CDH18: variants seen among roughly 807,000 people sequenced by gnomAD.
CDH18 encodes the protein cadherin 18.
In CDH18, 31 loss-of-function variants were observed where a neutral mutation model predicts 67.9. That is an observed-to-expected ratio of 0.46 (90% CI 0.34 to 0.62). CDH18 has a LOEUF of 0.62. Among genes scored for constraint, CDH18 ranks in the 20% least tolerant of loss-of-function variants. The pLI, the probability that CDH18 is intolerant of heterozygous loss-of-function variation, is 0.01. For synonymous variants in CDH18, 362 were observed against 347.2 expected (o/e 1.04, Z -0.48); for missense variants, 890 against 975.5 (o/e 0.91, Z 1.17).
intron 2 of CDH18, among the ~76,000 whole-genome samples, chr5:20,043,416 A>G (rs1241794487): frequency 1.3e-5 from 2 of 152,150 alleles, no homozygotes; most frequent in African/African-American, 4.8e-5. Flanking sequence ...GAATTAAACA[A>G]TAGCTATTCT....
At chr5:20,513,704 A>G (rs1015254809) in intron 1 of CDH18, among the ~76,000 whole-genome samples, 2 of 152,178 alleles carry the variant, frequency 1.3e-5, no homozygotes, top group African/African-American at 4.8e-5. Context: ...AATCATAACA[A>G]TGTCAAAATA....
chr5:19,571,641 C>G lies in CDH18; in HGVS notation c.1191G>C (p.Lys397Asn), dbSNP rs761409951. 8 of 1,613,836 alleles carry G rather than the reference C, an allele frequency of 5.0e-6. No individual in the cohort carries two copies. The highest frequency in any genetic ancestry group is 2.5e-6 in the Non-Finnish European group (3 of 1,179,898). ...AAACTGTACCAACGACGGTCCCAAT[C>G]TTGGCATTTTCGTAGACTTCCATGA... The part of the protein sequence containing the change: ...SYLMEVYENA[K>N]IGTVVGTVLA... Residue 397 changes from lysine to asparagine, a missense_variant, in exon 8 of 13, where the codon AAG becomes AAC. Physicochemically the swap from Lys to Asn is moderately conservative, Grantham distance 94 (BLOSUM62 0). Around this residue, in one of 2 missense-constraint regions of CDH18, gnomAD observed 656 missense variants for 668.1 expected, o/e 0.98. Coordinates refer to ENST00000382275, the MANE Select transcript of CDH18 (RefSeq NM_004934.5).
chr5:19,584,994 C>CTA (rs1251541742), intron 7 of CDH18, among the ~76,000 whole-genome samples: 1 of 84,196 alleles, frequency 1.2e-5, no homozygotes, highest in South Asian at 6.7e-4. Context: ...GACTCTATCT[C>CTA]CAAAAAAAAA....
At chr5:20,072,810 AATTTTACTTAGT>A (rs1743599371) in intron 2 of CDH18, among the ~76,000 whole-genome samples, 1 of 151,958 alleles carries the variant, frequency 6.6e-6, no homozygotes, top group Non-Finnish European at 1.5e-5. Context: ...TATTAAAATT[AATTTTACTTAGT>A]ATTTTTACAG....
intron 1 of CDH18, among the ~76,000 whole-genome samples, chr5:20,560,468 T>TACACACACACATACAC (rs1758140022): frequency 7.8e-6 from 1 of 127,606 alleles, no homozygotes; most frequent in Non-Finnish European, 1.7e-5. Flanking sequence ...CCAACACTCA[T>TACACACACACATACAC]ACACACACAC....
chr5:19,499,810 C>CT (rs921109122), intron 11 of CDH18, among the ~76,000 whole-genome samples: 21 of 151,818 alleles, frequency 1.4e-4, no homozygotes, highest in African/African-American at 4.8e-4. Context: ...TTCTCTCTCT[C>CT]TTTTTTTGAA....
intron 3 of CDH18, among the ~76,000 whole-genome samples, chr5:19,798,299 T>G (rs1777067052): frequency 1.3e-5 from 2 of 152,044 alleles, no homozygotes; most frequent in Admixed American, 1.3e-4. Flanking sequence ...GTGAAAAATA[T>G]TGCCAATGAG....
intron 2 of CDH18, among the ~76,000 whole-genome samples, chr5:20,052,734 C>CA (rs1166960873): frequency 6.6e-6 from 1 of 151,812 alleles, no homozygotes; most frequent in East Asian, 1.9e-4. Context: ...ATAAAATTCA[C>CA]AAAAAATAGT....
chr5:20,512,634 A>C (rs914181475), intron 1 of CDH18, among the ~76,000 whole-genome samples: 1 of 152,072 alleles, frequency 6.6e-6, no homozygotes. Context: ...CTATAATCCC[A>C]ACACTTTGGG....
intron 2 of CDH18, among the ~76,000 whole-genome samples, chr5:19,942,670 T>C (rs1794936515): frequency 6.6e-6 from 1 of 152,122 alleles, no homozygotes; most frequent in Non-Finnish European, 1.5e-5. Context: ...TCTTATCTAA[T>C]TTTGACCTAT....
rs769085529 is a variant in CDH18, at chr5:19,503,112, A to G, written c.1513-3T>C. ...GTGGCACTGATGGTATGAATAACCT[A>G]AAGAAAAGACAAACTCTAAATCGTA... On this transcript the variant is annotated splice_region_variant and splice_polypyrimidine_tract_variant and intron_variant, in intron 10 of 12. Coordinates refer to ENST00000382275, the MANE Select transcript of CDH18 (RefSeq NM_004934.5). The G allele has an allele frequency of 2.1e-6, 3 of 1,454,550 alleles. No homozygotes were observed. The highest frequency in any genetic ancestry group is 2.9e-6 in the Non-Finnish European group (3 of 1,037,454). The allele number at this position is 1,454,550 out of a possible 1,614,324, so 90.1% of individuals were successfully genotyped here.
intron 2 of CDH18, among the ~76,000 whole-genome samples, chr5:20,206,891 C>T (rs1026029340): frequency 6.6e-6 from 1 of 151,954 alleles, no homozygotes; most frequent in African/African-American, 2.4e-5. Context: ...CAACTAATAT[C>T]ATACTGAACA....
intron 5 of CDH18, among the ~76,000 whole-genome samples, chr5:19,667,858 G>C (rs543827078): frequency 1.3e-5 from 2 of 151,516 alleles, no homozygotes; most frequent in Non-Finnish European, 3.0e-5. Flanking sequence ...ATACCAAATG[G>C]CATCAAACAA....
intron 3 of CDH18, among the ~76,000 whole-genome samples, chr5:19,787,916 G>A (rs1225791886): frequency 6.6e-6 from 1 of 151,382 alleles, no homozygotes; most frequent in African/African-American, 2.4e-5. Flanking sequence ...AAGTATATCA[G>A]ATAAGTAATA....
At chr5:19,505,384 C>A (rs1035078284) in intron 10 of CDH18, among the ~76,000 whole-genome samples, 1 of 152,112 alleles carries the variant, frequency 6.6e-6, no homozygotes, top group Admixed American at 6.6e-5. Flanking sequence ...AAGGGCATCC[C>A]TGTCTTGTGC....
intron 3 of CDH18, among the ~76,000 whole-genome samples, chr5:19,796,012 G>T (rs1325317197): frequency 6.6e-6 from 1 of 151,958 alleles, no homozygotes; most frequent in Admixed American, 6.6e-5. Flanking sequence ...GTTAACTTGA[G>T]AACAGAACAA....
At position 20,339,030 on chromosome 5, in the gene CDH18, G is replaced by C. The variant is rs146220608; in HGVS notation, c.-579-83525C>G. Among the ~76,000 whole-genome samples the C allele has an allele frequency of 1.3e-3, 194 of 152,298 alleles. 1 individual carries two copies. Among genetic ancestry groups the C allele is most frequent in the African/African-American group, 4.4e-3 (183 of 41,570 alleles). On this transcript the variant is annotated intron_variant, in intron 1 of 14. Transcript: ENST00000507958. ...GATACAGTGAGGGAAAAAGAAGACA[G>C]AGGATGCCTATTCTCTCTCTCTCCA...
intron 1 of CDH18, among the ~76,000 whole-genome samples, chr5:20,478,728 G>A (rs1047283284): frequency 1.3e-5 from 2 of 152,092 alleles, no homozygotes; most frequent in Non-Finnish European, 1.5e-5. Context: ...ACCACGTACT[G>A]ACTGAAGAGC....
At chr5:19,859,784 T>C (rs1424002576) in intron 2 of CDH18, among the ~76,000 whole-genome samples, 2 of 152,192 alleles carry the variant, frequency 1.3e-5, no homozygotes, top group Non-Finnish European at 2.9e-5. Context: ...CCCTAAAATG[T>C]ATAAAACCAT....
Sources: gnomAD v4.1 joint callset for allele counts (sites outside exome capture counted in the v4.1 genomes callset) on GRCh38, gnomAD v4.1.1 for gene constraint, gnomAD v4.1.1 regional missense constraint, MANE v1.5 for transcripts, NCBI Gene and HGNC (gene_info 2026-07-23, HGNC 2026-07-21) for gene names.